INTS6: variants seen among roughly 807,000 people sequenced by gnomAD.
INTS6 encodes integrator complex subunit 6.
INTS6 carries 16 observed loss-of-function variants against 104.9 expected under a neutral mutation model. That is an observed-to-expected ratio of 0.15 (90% CI 0.10 to 0.23). INTS6 has a LOEUF of 0.23. Among genes scored for constraint, INTS6 ranks in the 10% least tolerant of loss-of-function variants. The pLI is 1.00. For missense variants in INTS6, 584 were observed against 1,062.8 expected (o/e 0.55, Z 6.26); for synonymous variants, 324 against 358.7 (o/e 0.90, Z 1.09).
the INTS6 span, among the ~76,000 whole-genome samples, chr13:51,336,296 T>C: frequency 6.6e-6 from 1 of 152,164 alleles, no homozygotes; most frequent in Admixed American, 6.5e-5. Flanking sequence ...GAGACCAACC[T>C]GGCCAACATG....
chr13:51,387,936 A>C (rs1297294224), intron 6 of INTS6, among the ~76,000 whole-genome samples: 7 of 152,228 alleles, frequency 4.6e-5, no homozygotes, highest in Admixed American at 3.9e-4. Flanking sequence ...AGTGCCAGGC[A>C]CACAATAAAT....
At chr13:51,404,063 TACACACACACACACACAC>T (rs71085082) in intron 4 of INTS6, among the ~76,000 whole-genome samples, 12 of 109,646 alleles carry the variant, frequency 1.1e-4, no homozygotes, top group African/African-American at 2.4e-4. Context: ...TCTCTACAAA[TACACACACACACACACAC>T]ACACACACAC....
At position 51,378,292 on chromosome 13, in the gene INTS6, G is replaced by A. The variant is rs138875335; in HGVS notation, c.1549C>T (p.Leu517=). 7.1e-5 allele frequency: 115 copies of A among 1,613,314 alleles called. 1 individual carries two copies. The highest frequency in any genetic ancestry group is 1.1e-5 in the South Asian group (1 of 91,070). The change falls in exon 12 of 18, where the codon CTA becomes TTA. Residue 517 remains leucine, a synonymous_variant. Transcript: ENST00000311234. ...GTGTATTCCTTCATATTAAGGTCTA[G>A]CAGTCTGTGAGGGACATCCTCTGAA... ...GISEDVPHRL[L]DLNMKEYTGF...
intron 3 of INTS6, chr13:51,445,834 G>C (rs1011300878): frequency 6.6e-6 from 1 of 152,188 alleles, no homozygotes; most frequent in Non-Finnish European, 1.5e-5. Flanking sequence ...AAATGGGAAA[G>C]GGCAAGTCTC....
intron 5 of INTS6, among the ~76,000 whole-genome samples, chr13:51,389,736 A>T (rs1463802485): frequency 6.6e-6 from 1 of 152,280 alleles, no homozygotes; most frequent in East Asian, 1.9e-4. Context: ...CATGAAAACA[A>T]GTCACATATT....
chr13:51,347,313 T>C, the INTS6 span: 2 of 1,228,028 alleles, frequency 1.6e-6, no homozygotes, highest in Non-Finnish European at 1.2e-6. Flanking sequence ...GCCAGGTCCC[T>C]GCTCCTAAGG....
downstream of INTS6, among the ~76,000 whole-genome samples, chr13:51,349,788 A>G (rs1179760741): frequency 3.3e-5 from 5 of 152,212 alleles, no homozygotes; most frequent in Non-Finnish European, 1.5e-5. Flanking sequence ...TAGTAACACA[A>G]CTATTAGTTA....
chr13:51,369,061 T>A lies in INTS6; in HGVS notation c.2354A>T (p.Glu785Val). Residue 785 changes from glutamate to valine, a missense_variant, in exon 16 of 18, where the codon GAA becomes GTA. Glu to Val is a moderately radical substitution (Grantham distance 121, BLOSUM62 -2). Coordinates refer to ENST00000311234, the MANE Select transcript of INTS6 (RefSeq NM_012141.3). ...EEPRDKEQCA[E>V]ENIPASSLNK... ...GAGTGAAGATGCTGGTATGTTCTCT[T>A]CAGCACATTGTTCTTTATCTCTTGG... The A allele has an allele frequency of 6.2e-7, 1 of 1,613,926 alleles. No individual in the cohort carries two copies. The highest frequency in any genetic ancestry group is 1.1e-5 in the South Asian group (1 of 91,082).
intron 3 of INTS6, chr13:51,441,000 A>C (rs898820617): frequency 6.6e-6 from 1 of 152,214 alleles, no homozygotes; most frequent in African/African-American, 2.4e-5. Flanking sequence ...GATCATCATC[A>C]TAAATGAGCC....
intron 13 of INTS6, 139 bp from the exon 14 acceptor site, chr13:51,374,935 TA>T: frequency 1.2e-6 from 1 of 812,474 alleles, no homozygotes; most frequent in South Asian, 2.3e-5. Flanking sequence ...TTGGTGCAAT[TA>T]TAACCACTGC....
intron 3 of INTS6, chr13:51,355,018 T>C (rs373735853): frequency 7.5e-5 from 90 of 1,192,860 alleles, no homozygotes; most frequent in Admixed American, 1.6e-4. Flanking sequence ...ATTTTGAAAG[T>C]TGATGGTTTG....
intron 5 of INTS6, among the ~76,000 whole-genome samples, chr13:51,392,380 G>A (rs1361593757): frequency 2.0e-5 from 3 of 151,648 alleles, no homozygotes; most frequent in Non-Finnish European, 2.9e-5. Context: ...AACATATAGA[G>A]AGCATGTCCC....
intron 9 of INTS6, among the ~76,000 whole-genome samples, chr13:51,382,503 T>G (rs1252129933): frequency 6.6e-6 from 1 of 152,240 alleles, no homozygotes; most frequent in Non-Finnish European, 1.5e-5. Flanking sequence ...AGGTAAGTTT[T>G]CTCCAACAGC....
At chr13:51,361,551 C>A, downstream of INTS6, 3 of 585,766 alleles carry the variant, frequency 5.1e-6, no homozygotes, top group East Asian at 2.8e-5. Flanking sequence ...GAAGAGATAT[C>A]CATCCCATAA....
intron 7 of INTS6, 199 bp from the exon 8 acceptor site, chr13:51,383,940 A>G (rs1956094686): frequency 2.6e-6 from 1 of 378,668 alleles, no homozygotes; most frequent in South Asian, 1.0e-4. Flanking sequence ...AAAAAGATAA[A>G]CACTTGAAAA....
intron 3 of INTS6, among the ~76,000 whole-genome samples, chr13:51,435,388 G>C (rs989430777): frequency 6.6e-6 from 1 of 151,888 alleles, no homozygotes; most frequent in Non-Finnish European, 1.5e-5. Flanking sequence ...CCTCAAGTAA[G>C]AGTTCTGCCA....
rs538325482 is a variant in INTS6, at chr13:51,373,984, G to T, written c.2104+224C>A. Among the ~76,000 whole-genome samples the T allele has an allele frequency of 9.8e-4, 149 of 152,320 alleles. 1 individual carries two copies. The highest frequency in any genetic ancestry group is 3.3e-3 in the African/African-American group (136 of 41,562). ...TATTTTGAAAGATTTGCAAATGTATGTTAGAACATAATAGCTAATAAAGCA... is the reference window on the plus strand; with the variant it reads ...TATTTTGAAAGATTTGCAAATGTATTTTAGAACATAATAGCTAATAAAGCA... On this transcript the variant is annotated intron_variant, in intron 15 of 17. Coordinates refer to ENST00000311234, the MANE Select transcript of INTS6 (RefSeq NM_012141.3).
Position 51,452,903 on chromosome 13 carries a change from G to A in INTS6, c.-378C>T, listed in dbSNP as rs1276354984. 5 of 1,096,614 alleles carry A rather than the reference G, an allele frequency of 4.6e-6. No homozygotes were observed. Among genetic ancestry groups the A allele is most frequent in the Middle Eastern group, 4.2e-4 (1 of 2,366 alleles). The allele number at this position is 1,096,614 out of a possible 1,614,324, so 67.9% of individuals were successfully genotyped here. A position where few individuals can be genotyped will look rare whatever the true frequency, so the allele number is the denominator to read the frequency against. On this transcript the variant is annotated 5_prime_UTR_variant, in exon 1 of 18. Transcript: ENST00000311234. The surrounding 1 kb of genome is among the most constrained non-coding windows in gnomAD (Gnocchi z 4.2). ...CCCACCCCACCCCCGGTACAGGAGT[G>A]GGGACCTGGGAGCTGGCGAAGAGGG...
chr13:51,388,519 G>A (rs558383403), intron 6 of INTS6, among the ~76,000 whole-genome samples: 54 of 151,902 alleles, frequency 3.6e-4, no homozygotes, highest in Non-Finnish European at 6.2e-4. Flanking sequence ...TCAGCCTCCC[G>A]AGTAGCTGGG....
Sources: allele counts gnomAD v4.1 joint callset (sites outside exome capture counted in the v4.1 genomes callset), GRCh38; gene constraint gnomAD v4.1.1; non-coding constraint Gnocchi (gnomAD v3.1); transcripts MANE v1.5; gene names NCBI Gene and HGNC (gene_info 2026-07-23, HGNC 2026-07-21).